The following GPC6 variants were observed in gnomAD, a reference collection of about 807,000 sequenced individuals.
GPC6 encodes glypican 6, also known as glypican-6.
Under a neutral mutation model 55.2 loss-of-function variants are expected in GPC6, and 14 were observed. The ratio of observed to expected loss-of-function variants is 0.25; its 90% confidence interval spans 0.17 to 0.40. GPC6 has a LOEUF of 0.40. Ranked by LOEUF, GPC6 falls within the 10% of genes least tolerant of loss-of-function variation. GPC6 has a pLI of 1.00. For missense variants in GPC6, 641 were observed against 708.5 expected, an observed-to-expected ratio of 0.90 and a Z score of 1.08; for synonymous variants, 278 against 259.6, an observed-to-expected ratio of 1.07 and a Z score of -0.68.
intron 6 of GPC6, among the ~76,000 whole-genome samples, chr13:94,369,697 A>T (rs1039827848): frequency 3.3e-5 from 5 of 152,202 alleles, no homozygotes; most frequent in African/African-American, 1.2e-4. Flanking sequence ...AGACAATAGT[A>T]GTCTGGAATC....
chr13:93,532,540 G>T (rs973113262), intron 1 of GPC6, among the ~76,000 whole-genome samples: 1 of 152,140 alleles, frequency 6.6e-6, no homozygotes, highest in African/African-American at 2.4e-5. Context: ...GCCAAGGTTA[G>T]ATGTGAGAAA....
At chr13:93,632,480 G>A (rs971705769) in intron 2 of GPC6, among the ~76,000 whole-genome samples, 15 of 151,662 alleles carry the variant, frequency 9.9e-5, no homozygotes, top group African/African-American at 3.6e-4. Context: ...ATGGTGGTGT[G>A]TACCTGTAGT....
chr13:93,251,875 A>G (rs933955058), intron 1 of GPC6, among the ~76,000 whole-genome samples: 3 of 152,218 alleles, frequency 2.0e-5, no homozygotes, highest in Non-Finnish European at 4.4e-5. Flanking sequence ...TAAATGTCAA[A>G]CAGCAAATCT....
At chr13:94,183,834 T>C (rs1889079662) in intron 4 of GPC6, among the ~76,000 whole-genome samples, 2 of 152,300 alleles carry the variant, frequency 1.3e-5, no homozygotes, top group South Asian at 2.1e-4. Context: ...AGTGTCTTAG[T>C]TGGTATTTGG....
intron 3 of GPC6, among the ~76,000 whole-genome samples, chr13:93,968,494 G>C (rs1282684400): frequency 2.0e-5 from 3 of 152,040 alleles, no homozygotes. Context: ...AATGCATTCT[G>C]TTAATATAAG....
intron 2 of GPC6, among the ~76,000 whole-genome samples, chr13:93,612,570 T>C (rs1166959383): frequency 2.0e-5 from 3 of 150,852 alleles, no homozygotes; most frequent in Non-Finnish European, 3.0e-5. Context: ...TGTGCAGTTT[T>C]GGTTAGAATT....
At chr13:94,198,110 A>G (rs954572785) in intron 4 of GPC6, among the ~76,000 whole-genome samples, 2 of 152,234 alleles carry the variant, frequency 1.3e-5, no homozygotes, top group Admixed American at 1.3e-4. Flanking sequence ...TAATAAATAC[A>G]AACAGGTGTT....
intron 1 of GPC6, among the ~76,000 whole-genome samples, chr13:93,397,194 G>T (rs1301666791): frequency 6.6e-6 from 1 of 152,060 alleles, no homozygotes; most frequent in Non-Finnish European, 1.5e-5. Context: ...TATCCTTATT[G>T]AGGTATAATT....
At chr13:94,306,988 G>T (rs1023614535) in intron 6 of GPC6, among the ~76,000 whole-genome samples, 1 of 152,132 alleles carries the variant, frequency 6.6e-6, no homozygotes, top group Non-Finnish European at 1.5e-5. Flanking sequence ...TATAAACTTA[G>T]ATCTCAAAGA....
At chr13:94,153,368 A>G (rs1193676089) in intron 4 of GPC6, among the ~76,000 whole-genome samples, 1 of 152,214 alleles carries the variant, frequency 6.6e-6, no homozygotes, top group African/African-American at 2.4e-5. Flanking sequence ...CTCAGTCTTA[A>G]CAAATAAGAG....
chr13:93,360,131 A>T (rs1047715661), intron 1 of GPC6, among the ~76,000 whole-genome samples: 1 of 151,888 alleles, frequency 6.6e-6, no homozygotes, highest in Non-Finnish European at 1.5e-5. Context: ...CCTCCAATTT[A>T]AAAACATCAA....
At chr13:93,760,427 G>A (rs531963501) in intron 2 of GPC6, among the ~76,000 whole-genome samples, 7 of 152,212 alleles carry the variant, frequency 4.6e-5, no homozygotes, top group South Asian at 2.1e-4. Context: ...TGATTTTGCC[G>A]GGAGCTAGAA....
chr13:94,100,050 G>A (rs1056129665), intron 4 of GPC6, among the ~76,000 whole-genome samples: 1 of 152,056 alleles, frequency 6.6e-6, no homozygotes, highest in Non-Finnish European at 1.5e-5. Context: ...GTCTGTACAT[G>A]AGTACATGGG....
chr13:94,400,154 A>G (rs1011834924), intron 8 of GPC6, among the ~76,000 whole-genome samples: 5 of 152,190 alleles, frequency 3.3e-5, no homozygotes, highest in African/African-American at 1.2e-4. Context: ...CTGAGTTCTA[A>G]CCCAAGCACC....
intron 1 of GPC6, among the ~76,000 whole-genome samples, chr13:93,424,472 GA>G (rs891833513): frequency 7.2e-5 from 11 of 152,116 alleles, no homozygotes; most frequent in Non-Finnish European, 1.3e-4. Context: ...CCTCCATCCT[GA>G]TGCGGGGATC....
At chr13:94,165,339 TG>T (rs1296028140) in intron 4 of GPC6, among the ~76,000 whole-genome samples, 1 of 151,300 alleles carries the variant, frequency 6.6e-6, no homozygotes, top group East Asian at 1.9e-4. Context: ...ATATGGCATT[TG>T]CAGTAACCCT....
chr13:94,191,243 G>C (rs1889383807), intron 4 of GPC6, among the ~76,000 whole-genome samples: 1 of 152,198 alleles, frequency 6.6e-6, no homozygotes, highest in South Asian at 2.1e-4. Context: ...TAAGAAATGA[G>C]TTGATACTAG....
At chr13:93,410,422 T>C (rs918809386) in intron 1 of GPC6, among the ~76,000 whole-genome samples, 19 of 152,286 alleles carry the variant, frequency 1.2e-4, no homozygotes, top group African/African-American at 4.3e-4. Context: ...GATCACTTAG[T>C]GGCATGCTCA....
At chr13:93,726,137 CACACACACACACACAT>C (rs1378474332) in intron 2 of GPC6, among the ~76,000 whole-genome samples, 2 of 148,724 alleles carry the variant, frequency 1.3e-5, no homozygotes, top group South Asian at 2.2e-4. Flanking sequence ...CACACACACA[CACACACACACACACAT>C]ATCAAGCAAA....
Sources: allele counts gnomAD v4.1 joint callset (sites outside exome capture counted in the v4.1 genomes callset), GRCh38; gene constraint gnomAD v4.1.1; transcripts MANE v1.5; gene names NCBI Gene and HGNC (gene_info 2026-07-23, HGNC 2026-07-21).